EPB41: variants seen among roughly 807,000 people sequenced by gnomAD.
The protein encoded by EPB41 is erythrocyte membrane protein band 4.1, also known as protein 4.1.
Under a neutral mutation model 108.0 loss-of-function variants are expected in EPB41, and 65 were observed. That is an observed-to-expected ratio of 0.60 (90% CI 0.49 to 0.74). The LOEUF (loss-of-function observed/expected upper bound fraction) is 0.74. EPB41 is among the 30% of genes least tolerant of loss of function. The pLI is 0.00. For synonymous variants in EPB41, 336 were observed against 358.9 expected (o/e 0.94, Z 0.72); for missense variants, 875 against 1,037.0 (o/e 0.84, Z 2.15).
chr1:28,922,604 A>T (rs1249249938), intron 1 of EPB41, among the ~76,000 whole-genome samples: 1 of 144,988 alleles, frequency 6.9e-6, no homozygotes, highest in Non-Finnish European at 1.5e-5. Context: ...CGCCAGTTTT[A>T]AAATTTTTTC....
rs961787191 is a variant in EPB41 at position 29,035,759 on chromosome 1, A to G, written c.1366-67A>G. On this transcript the variant is annotated intron_variant, in intron 9 of 20. Coordinates refer to ENST00000343067, the MANE Select transcript of EPB41 (RefSeq NM_001376013.1). ...TGGCACCATATTTCTCTGGTACTGT[A>G]TCACTGTAATCTGGTACTGTATCAC... The G allele has an allele frequency of 2.6e-6, 3 of 1,148,096 alleles. No homozygotes were observed. The African/African-American group carries it at 4.6e-5, about 18-fold the overall frequency. 71.1% of individuals were successfully genotyped at this position (1,148,096 alleles called of 1,614,324 possible). A position where few individuals can be genotyped will look rare whatever the true frequency, so the allele number is the denominator to read the frequency against.
In EPB41 at chr1:29,035,969, C is replaced by T. The variant is rs746987520; in HGVS notation, c.1463+46C>T. The T allele has an allele frequency of 9.7e-6, 14 of 1,440,648 alleles. No individual in the cohort carries two copies. The African/African-American group carries it at 9.9e-5, about 10-fold the overall frequency. 89.2% of individuals were successfully genotyped at this position (1,440,648 alleles called of 1,614,324 possible). On this transcript the variant is annotated intron_variant, in intron 10 of 20. Coordinates refer to ENST00000343067, the MANE Select transcript of EPB41 (RefSeq NM_001376013.1). ...TTTTTCAAGGATAAATTATTTATAA[C>T]GTTTCTATTTTAAGCCTGCTATTAA... is the stretch of plus-strand genomic sequence containing the variant.
chr1:29,061,850 G>A (rs2150962559), intron 15 of EPB41, among the ~76,000 whole-genome samples: 1 of 152,022 alleles, frequency 6.6e-6, no homozygotes, highest in Admixed American at 6.6e-5. Context: ...AAAGTACCGG[G>A]GTTACAGGCA....
intron 1 of EPB41, among the ~76,000 whole-genome samples, chr1:28,980,478 G>A (rs908941010): frequency 1.3e-5 from 2 of 152,086 alleles, no homozygotes; most frequent in Non-Finnish European, 2.9e-5. Context: ...GGGAGGCTGA[G>A]GCAGGAGGAT....
At chr1:29,002,196 C>T (rs921772431) in intron 4 of EPB41, among the ~76,000 whole-genome samples, 1 of 152,048 alleles carries the variant, frequency 6.6e-6, no homozygotes, top group Non-Finnish European at 1.5e-5. Flanking sequence ...GGCATGGTAG[C>T]TCATACCTGT....
intron 1 of EPB41, among the ~76,000 whole-genome samples, chr1:28,909,560 C>T: frequency 6.6e-6 from 1 of 152,024 alleles, no homozygotes; most frequent in East Asian, 1.9e-4. Flanking sequence ...CTCTGTGAGG[C>T]CAAGGTGGGA....
At chr1:28,887,147 T>G (rs1445258870), upstream of EPB41, 4 of 1,069,634 alleles carry the variant, frequency 3.7e-6, no homozygotes, top group Non-Finnish European at 5.1e-6. The surrounding 1 kb of genome is among the most constrained non-coding windows in gnomAD (Gnocchi z 4.9). Flanking sequence ...AGGAACCTCT[T>G]AAAGGGCGAG....
intron 1 of EPB41, among the ~76,000 whole-genome samples, chr1:28,957,559 C>A (rs890477813): frequency 8.5e-5 from 13 of 152,082 alleles, no homozygotes; most frequent in Non-Finnish European, 1.5e-4. Context: ...TGCATGCCAC[C>A]ACACCCAGCC....
chr1:28,976,967 C>T (rs1188890043), intron 1 of EPB41, among the ~76,000 whole-genome samples: 1 of 152,148 alleles, frequency 6.6e-6, no homozygotes, highest in Non-Finnish European at 1.5e-5. Context: ...ATTCTCCTGC[C>T]TCAGCCTCCC....
chr1:28,903,968 G>T (rs1205974348), intron 1 of EPB41, among the ~76,000 whole-genome samples: 1 of 151,998 alleles, frequency 6.6e-6, no homozygotes, highest in Non-Finnish European at 1.5e-5. Flanking sequence ...CCGGGTTCAA[G>T]CGATTCTCCT....
At chr1:28,895,804 T>C (rs1191948769) in intron 1 of EPB41, among the ~76,000 whole-genome samples, 2 of 152,188 alleles carry the variant, frequency 1.3e-5, no homozygotes, top group East Asian at 3.8e-4. Context: ...CCCAAATTCT[T>C]AGTGTGAAAC....
intron 7 of EPB41, among the ~76,000 whole-genome samples, chr1:29,023,946 A>C (rs907714306): frequency 9.2e-5 from 14 of 152,074 alleles, no homozygotes; most frequent in African/African-American, 3.4e-4. Context: ...AAATAAGGGC[A>C]ATAATGTGAA....
At chr1:29,065,325 T>C in intron 16 of EPB41, 167 bp downstream of exon 16, 1 of 1,284,252 alleles carries the variant, frequency 7.8e-7, no homozygotes, top group South Asian at 2.0e-5. Flanking sequence ...TATTTTTTTT[T>C]AAGTCAGGTA....
chr1:29,053,852 C>T (rs1644924386), intron 12 of EPB41: 1 of 154,444 alleles, frequency 6.5e-6, no homozygotes, highest in Non-Finnish European at 1.4e-5. Flanking sequence ...AGCCACCGCG[C>T]CCGGCCCCAA....
chr1:29,077,215 A>AG (rs1235594773), intron 16 of EPB41, among the ~76,000 whole-genome samples: 1 of 152,124 alleles, frequency 6.6e-6, no homozygotes, highest in African/African-American at 2.4e-5. Flanking sequence ...CAAGGAATCT[A>AG]GTATACCCTT....
intron 1 of EPB41, among the ~76,000 whole-genome samples, chr1:28,930,356 C>T (rs945474581): frequency 2.1e-4 from 31 of 150,612 alleles, no homozygotes; most frequent in African/African-American, 6.1e-4. Context: ...TTTATAGAAA[C>T]GGGGTCTTGT....
Position 29,097,856 on chromosome 1 carries a change from C to G in EPB41, c.2234C>G (p.Ala745Gly). 6.2e-7 allele frequency: 1 copy of G among 1,613,986 alleles called. No individual in the cohort carries two copies. Among genetic ancestry groups the G allele is most frequent in the Non-Finnish European group, 8.5e-7 (1 of 1,179,866 alleles). The change falls in exon 17 of 21, where the codon GCT (alanine) becomes GGT (glycine). Residue 745 changes from alanine (A) to glycine (G), a missense_variant. This residue lies in a region of EPB41 where 519 missense variants were observed against 627.3 expected (regional missense o/e 0.83). Coordinates refer to ENST00000343067, the MANE Select transcript of EPB41 (RefSeq NM_001376013.1). ...GTCACCATCTCAGATAATGCCAATG[C>G]TGTGAAAAGTGAAATCCCAACCAAA... ...QTVTISDNAN[A>G]VKSEIPTKDV...
At chr1:28,921,004 A>G (rs1422370180) in intron 1 of EPB41, among the ~76,000 whole-genome samples, 5 of 152,272 alleles carry the variant, frequency 3.3e-5, no homozygotes, top group Non-Finnish European at 4.4e-5. Flanking sequence ...CCTGGGCTCA[A>G]GTGATCCTCC....
chr1:28,942,454 A>C (rs554388073), intron 1 of EPB41, among the ~76,000 whole-genome samples: 15 of 152,220 alleles, frequency 9.9e-5, no homozygotes, highest in Non-Finnish European at 1.9e-4. Context: ...AAACACTTTA[A>C]TTATGTTTAC....
Sources: allele counts gnomAD v4.1 joint callset (sites outside exome capture counted in the v4.1 genomes callset), GRCh38; gene constraint gnomAD v4.1.1; regional missense constraint gnomAD v4.1.1; non-coding constraint Gnocchi (gnomAD v3.1); transcripts MANE v1.5; gene names NCBI Gene and HGNC (gene_info 2026-07-23, HGNC 2026-07-21).